ETV5: variants seen among roughly 807,000 people sequenced by gnomAD.
ETV5 encodes ETS translocation variant 5.
A neutral mutation model predicts 70.0 loss-of-function variants in ETV5; 10 were observed. That is an observed-to-expected ratio of 0.14 (90% CI 0.09 to 0.24). The LOEUF (loss-of-function observed/expected upper bound fraction) is 0.24, where lower values mean the gene tolerates loss of function less well. Ranked by LOEUF, ETV5 falls within the 10% of genes least tolerant of loss-of-function variation. The pLI is 1.00. For missense variants in ETV5, 453 were observed against 651.2 expected, an observed-to-expected ratio of 0.70 and a Z score of 3.31; for synonymous variants, 216 against 242.2, an observed-to-expected ratio of 0.89 and a Z score of 1.01.
intron 9 of ETV5, among the ~76,000 whole-genome samples, chr3:186,059,932 T>G (rs1170028866): frequency 6.6e-6 from 1 of 152,192 alleles, no homozygotes; most frequent in Non-Finnish European, 1.5e-5. Context: ...TCCTGATAAA[T>G]TTATTTTCCA....
intron 12 of ETV5, 66 bp from the exon 13 acceptor site, chr3:186,048,926 G>A (rs527897020): frequency 1.4e-5 from 19 of 1,336,912 alleles, no homozygotes; most frequent in East Asian, 2.4e-5. Context: ...GGAAGAGAAC[G>A]AGGTATTCCT....
In ETV5 at chr3:186,105,608, A is replaced by C. The variant is rs1714568680; in HGVS notation, c.133+17T>G. 1 of 1,613,972 alleles carries C rather than the reference A, an allele frequency of 6.2e-7. No homozygotes were observed. The highest frequency in any genetic ancestry group is 1.7e-5 in the Admixed American group (1 of 60,018). On this transcript the variant is annotated intron_variant, in intron 3 of 12. Coordinates refer to ENST00000306376, the MANE Select transcript of ETV5 (RefSeq NM_004454.3). This position sits in a 1 kb window ranked among gnomAD's most constrained non-coding sequence, Gnocchi z 4.5. ...GGAGCAGGGAAGCCACAACATAATC[A>C]GGGAAAGCTTTACTACCTTCAGAAT...
intron 5 of ETV5, among the ~76,000 whole-genome samples, chr3:186,101,042 C>T (rs992396870): frequency 1.3e-5 from 2 of 152,116 alleles, no homozygotes; most frequent in Non-Finnish European, 2.9e-5. Flanking sequence ...TCTTGAGTTC[C>T]AATCTTATCC....
intron 7 of ETV5, among the ~76,000 whole-genome samples, chr3:186,067,736 C>T (rs1042624620): frequency 6.6e-6 from 1 of 152,004 alleles, no homozygotes; most frequent in East Asian, 1.9e-4. Flanking sequence ...CCTGGATATA[C>T]CTCACTGTAT....
Position 186,046,899 on chromosome 3 carries a change from T to C in ETV5, c.*1740A>G, listed in dbSNP as rs1712892866. 4.3e-6 allele frequency: 1 copy of C among 231,382 alleles called. No individual in the cohort carries two copies. Among genetic ancestry groups the C allele is most frequent in the East Asian group, 6.1e-5 (1 of 16,298 alleles). The allele number at this position is 231,382 out of a possible 1,614,324, so 14.3% of individuals were successfully genotyped here. On this transcript the variant is annotated 3_prime_UTR_variant, in exon 13 of 13. Transcript: ENST00000306376. The stretch of plus-strand genomic sequence containing the variant: ...CAGGTTTACCACCTTTGTGGGCTAA[T>C]TAGCTTCCAATAGAGGAGAATCTCA...
intron 5 of ETV5, among the ~76,000 whole-genome samples, chr3:186,095,903 C>T (rs943878575): frequency 2.0e-5 from 3 of 152,136 alleles, no homozygotes; most frequent in East Asian, 1.9e-4. Flanking sequence ...CGGTGGTGTG[C>T]GGGCTGTATG....
Position 186,066,100 on chromosome 3 carries a change from G to T in ETV5, c.651-28C>A. On this transcript the variant is annotated intron_variant, in intron 7 of 12. Coordinates refer to ENST00000306376, the MANE Select transcript of ETV5 (RefSeq NM_004454.3). ...GTAAGAAGAAAGAGGTTTTCATGTTGAACAAAGACTTGATGAATTCCTACT... is the reference window on the plus strand; with the variant it reads ...GTAAGAAGAAAGAGGTTTTCATGTTTAACAAAGACTTGATGAATTCCTACT... The T allele has an allele frequency of 2.6e-6, 4 of 1,532,332 alleles. No homozygotes were observed. The South Asian group carries it at 5.2e-5, about 20-fold the overall frequency. The allele number at this position is 1,532,332 out of a possible 1,614,324, so 94.9% of individuals were successfully genotyped here.
At chr3:186,079,037 C>T (rs1713866763) in intron 7 of ETV5, 2 of 1,064,866 alleles carry the variant, frequency 1.9e-6, no homozygotes, top group Non-Finnish European at 2.3e-6. Flanking sequence ...AATACCATGG[C>T]CACCATCTTG....
intron 6 of ETV5, 53 bp from the exon 7 acceptor site, chr3:186,080,157 T>C: frequency 7.1e-7 from 1 of 1,406,630 alleles, no homozygotes; most frequent in Non-Finnish European, 9.3e-7. Flanking sequence ...GCCATTAGCA[T>C]GGTTACCAGG....
intron 12 of ETV5, among the ~76,000 whole-genome samples, chr3:186,049,511 T>C (rs1578533861): frequency 6.6e-6 from 1 of 152,182 alleles, no homozygotes. Flanking sequence ...TCTGCGTCAA[T>C]GGGATCACCT....
intron 7 of ETV5, among the ~76,000 whole-genome samples, chr3:186,074,859 C>CAAAAAAAAAAAAA (rs747453303): frequency 1.3e-5 from 1 of 76,468 alleles, no homozygotes; most frequent in African/African-American, 4.4e-5. Flanking sequence ...ACTCTGTCTC[C>CAAAAAAAAAAAAA]AAAAAAAAAA....
In ETV5 at chr3:186,105,222, C is replaced by T. The variant is rs1459795029; in HGVS notation, c.232+83G>A. On this transcript the variant is annotated intron_variant, in intron 5 of 12. Transcript: ENST00000306376. This position sits in a 1 kb window ranked among gnomAD's most constrained non-coding sequence, Gnocchi z 4.5. ...TACTACTGTCTAAATCTGGCCATAGCTGAAAAAAGCATATTCTAGACATGG... is the reference window on the plus strand; with the variant it reads ...TACTACTGTCTAAATCTGGCCATAGTTGAAAAAAGCATATTCTAGACATGG... 47 of 1,199,850 alleles carry T rather than the reference C, an allele frequency of 3.9e-5. No individual in the cohort carries two copies. Among genetic ancestry groups the T allele is most frequent in the Non-Finnish European group, 5.3e-5 (44 of 833,274 alleles). The allele number at this position is 1,199,850 out of a possible 1,614,324, so 74.3% of individuals were successfully genotyped here.
At chr3:186,101,350 C>T (rs1429872048) in intron 5 of ETV5, among the ~76,000 whole-genome samples, 3 of 152,156 alleles carry the variant, frequency 2.0e-5, no homozygotes, top group Non-Finnish European at 4.4e-5. Context: ...GGTGTGATCA[C>T]TACTCGCTTC....
In ETV5 at chr3:186,057,498, G is replaced by A; in HGVS notation, c.971-7C>T. 6.2e-7 allele frequency: 1 copy of A among 1,612,376 alleles called. No individual in the cohort carries two copies. Among genetic ancestry groups the A allele is most frequent in the East Asian group, 2.2e-5 (1 of 44,882 alleles). ...TCTTTTTCATATGAAAAACCTGAAA[G>A]AGAATTTAAAAGAAAGACTACGTTG... On this transcript the variant is annotated splice_region_variant and splice_polypyrimidine_tract_variant and intron_variant, in intron 9 of 12. Transcript: ENST00000306376. The surrounding 1 kb of genome is among the most constrained non-coding windows in gnomAD (Gnocchi z 4.9).
At chr3:186,071,944 C>T (rs1713650311) in intron 7 of ETV5, among the ~76,000 whole-genome samples, 1 of 151,646 alleles carries the variant, frequency 6.6e-6, no homozygotes, top group Non-Finnish European at 1.5e-5. Context: ...ATTACAGGTG[C>T]CTGCCACCAC....
At position 186,052,870 on chromosome 3, in the gene ETV5, TAG is replaced by T. The variant is rs1328573179; in HGVS notation, c.1210-741_1210-740del. On this transcript the variant is annotated intron_variant, in intron 11 of 12. Transcript: ENST00000306376. The surrounding 1 kb of genome is among the most constrained non-coding windows in gnomAD (Gnocchi z 4.5). ...GCCTTCTAGCAGGAAAACTTCCTAG[TAG>T]AGTTTACCCAATTATCACGGCAGCC... Among the ~76,000 whole-genome samples, 1 of 152,134 alleles carries T rather than the reference TAG, an allele frequency of 6.6e-6. No individual in the cohort carries two copies. Among genetic ancestry groups the T allele is most frequent in the African/African-American group, 2.4e-5 (1 of 41,410 alleles).
intron 5 of ETV5, chr3:186,084,162 T>C (rs1713997855): frequency 2.3e-6 from 1 of 436,438 alleles, no homozygotes; most frequent in South Asian, 1.7e-5. Flanking sequence ...TCAAAAATAG[T>C]ATTTACCTTT....
intron 5 of ETV5, among the ~76,000 whole-genome samples, chr3:186,082,996 G>T (rs988313817): frequency 2.0e-5 from 3 of 152,252 alleles, no homozygotes; most frequent in African/African-American, 7.2e-5. Flanking sequence ...ATTATATTTA[G>T]AAGTCATTAG....
Position 186,087,082 on chromosome 3 carries a change from TAAC to T in ETV5, c.233-5910_233-5908del, listed in dbSNP as rs547838275. Reference sequence around the variant, plus strand: ...GATCATGCTCGTGGATTGGAAAGCTTAACATTATAAAGATATCGATTCTTCCCA... The same window carrying T: ...GATCATGCTCGTGGATTGGAAAGCTTATTATAAAGATATCGATTCTTCCCA... On this transcript the variant is annotated intron_variant, in intron 5 of 12. Coordinates refer to ENST00000306376, the MANE Select transcript of ETV5 (RefSeq NM_004454.3). Among the ~76,000 whole-genome samples, 252 of 152,274 alleles carry T rather than the reference TAAC, an allele frequency of 1.7e-3. 4 individuals carry two copies. Among genetic ancestry groups the T allele is most frequent in the African/African-American group, 5.6e-3 (234 of 41,536 alleles).
Sources: gnomAD v4.1 joint callset for allele counts (sites outside exome capture counted in the v4.1 genomes callset) on GRCh38, gnomAD v4.1.1 for gene constraint, Gnocchi (gnomAD v3.1) non-coding constraint, MANE v1.5 for transcripts, NCBI Gene and HGNC (gene_info 2026-07-23, HGNC 2026-07-21) for gene names.